The following DAPK1 variants were observed in gnomAD, a reference collection of about 807,000 sequenced individuals.
DAPK1 encodes death associated protein kinase 1, also known as death-associated protein kinase 1.
A neutral mutation model predicts 144.9 loss-of-function variants in DAPK1; 56 were observed. That is an observed-to-expected ratio of 0.39 (90% CI 0.31 to 0.48). The LOEUF (loss-of-function observed/expected upper bound fraction) is 0.48, where lower values mean the gene tolerates loss of function less well. Among genes scored for constraint, DAPK1 ranks in the 20% least tolerant of loss-of-function variants. The pLI is 0.95. For missense variants in DAPK1, 1,454 were observed against 1,875.4 expected (o/e 0.78, Z 4.15); for synonymous variants, 690 against 749.0 (o/e 0.92, Z 1.29).
At chr9:87,666,481 T>TG (rs202108257) in intron 18 of DAPK1, among the ~76,000 whole-genome samples, 4 of 150,592 alleles carry the variant, frequency 2.7e-5, no homozygotes, top group African/African-American at 4.9e-5. Flanking sequence ...GTTTTTGTTT[T>TG]TTTTTTTTTT....
intron 3 of DAPK1, among the ~76,000 whole-genome samples, chr9:87,614,408 G>A (rs1452850479): frequency 3.9e-5 from 6 of 152,174 alleles, no homozygotes; most frequent in Admixed American, 2.0e-4. Context: ...ACCCATGATC[G>A]TGGTTAAAGT....
rs542750493 is a variant in DAPK1 at position 87,516,804 on chromosome 9, G to A, written c.62+17665G>A. Among the ~76,000 whole-genome samples the A allele has an allele frequency of 2.0e-5, 3 of 152,228 alleles. No individual in the cohort carries two copies. In the South Asian group the frequency reaches 6.2e-4, roughly 32 times the overall value. ...GTGCTAGGTTCGGTGGATTGGAGAA[G>A]CTTGAAGGGGTGGATTTGGAGGATA... On this transcript the variant is annotated intron_variant, in intron 2 of 25. Coordinates refer to ENST00000408954, the MANE Select transcript of DAPK1 (RefSeq NM_004938.4).
chr9:87,652,178 A>G lies in DAPK1; in HGVS notation c.1824+454A>G, dbSNP rs1180463278. 4.3e-3 allele frequency among the ~76,000 whole-genome samples: 309 copies of G among 71,228 alleles called. 5 individuals are homozygous for G. The highest frequency in any genetic ancestry group is 0.011 in the African/African-American group (189 of 17,370). The allele number at this position is 71,228 out of a possible 152,430, so 46.7% of individuals were successfully genotyped here. On this transcript the variant is annotated intron_variant, in intron 17 of 25. Transcript: ENST00000408954. ...ATTCTGTGTCCTCCCACCTGATCCC[A>G]GGTCCTGATTCTGTGTCCATCCCCC...
At chr9:87,537,266 G>A (rs373935844) in intron 2 of DAPK1, among the ~76,000 whole-genome samples, 6 of 152,172 alleles carry the variant, frequency 3.9e-5, no homozygotes, top group South Asian at 4.1e-4. Flanking sequence ...GATTACAGGC[G>A]TGAGCCACCG....
At chr9:87,645,140 T>C (rs546240360) in intron 11 of DAPK1, among the ~76,000 whole-genome samples, 3 of 152,208 alleles carry the variant, frequency 2.0e-5, no homozygotes, top group African/African-American at 4.8e-5. Context: ...ATTCTGTGTT[T>C]ATAAGTTCAG....
intron 2 of DAPK1, among the ~76,000 whole-genome samples, chr9:87,499,593 G>A (rs1228034708): frequency 1.3e-5 from 2 of 152,218 alleles, no homozygotes; most frequent in Admixed American, 1.3e-4. Context: ...GTATTGGTAG[G>A]TGGTAAATGG....
rs763759492 is a variant in DAPK1 at position 87,698,809 on chromosome 9, C to T, written c.2750+15C>T. 1.9e-6 allele frequency: 3 copies of T among 1,556,338 alleles called. No individual in the cohort carries two copies. The highest frequency in any genetic ancestry group is 1.1e-5 in the South Asian group (1 of 89,654). ...ATTAGGAACAGGTGAGGGGCAGCCA[C>T]TTAGTCTCCAGCTCACGGGTAGCCT... On this transcript the variant is annotated intron_variant, in intron 23 of 25. Transcript: ENST00000408954.
chr9:87,571,607 T>G (rs1827365062), intron 2 of DAPK1, among the ~76,000 whole-genome samples: 1 of 151,184 alleles, frequency 6.6e-6, no homozygotes, highest in African/African-American at 2.4e-5. Flanking sequence ...CTTGCAAACG[T>G]TCCAGTGACA....
intron 24 of DAPK1, among the ~76,000 whole-genome samples, chr9:87,701,365 A>AT (rs1259420672): frequency 3.3e-5 from 5 of 152,224 alleles, no homozygotes; most frequent in Non-Finnish European, 5.9e-5. Context: ...TATTTTCAAA[A>AT]TAACTAGGGA....
intron 2 of DAPK1, among the ~76,000 whole-genome samples, chr9:87,540,628 C>G (rs1277619939): frequency 6.6e-6 from 1 of 152,160 alleles, no homozygotes; most frequent in East Asian, 1.9e-4. Flanking sequence ...TGGAATGGAT[C>G]CCCTGTGAGT....
At chr9:87,678,463 A>G (rs936002296) in intron 19 of DAPK1, among the ~76,000 whole-genome samples, 9 of 152,256 alleles carry the variant, frequency 5.9e-5, no homozygotes, top group Non-Finnish European at 4.4e-5. Flanking sequence ...GAGGGCTGGG[A>G]TGGCAGCTCC....
rs369502489 is a variant in DAPK1, at chr9:87,649,907, G to T, written c.1429-14G>T. The T allele has an allele frequency of 6.2e-7, 1 of 1,613,258 alleles. No homozygotes were observed. Among genetic ancestry groups the T allele is most frequent in the Non-Finnish European group, 8.5e-7 (1 of 1,179,354 alleles). On this transcript the variant is annotated splice_polypyrimidine_tract_variant and intron_variant, in intron 15 of 25. Coordinates refer to ENST00000408954, the MANE Select transcript of DAPK1 (RefSeq NM_004938.4). ...TTGTGTTCTCCTCCTCTCTGTACTC[G>T]TCTCCTTGGCCAGGAAGAAGAAACC...
chr9:87,567,930 C>A (rs939199432), intron 2 of DAPK1, among the ~76,000 whole-genome samples: 3 of 152,174 alleles, frequency 2.0e-5, no homozygotes, highest in Non-Finnish European at 2.9e-5. Flanking sequence ...TTTATAGACA[C>A]CCCAAAAAGG....
intron 3 of DAPK1, among the ~76,000 whole-genome samples, chr9:87,636,746 T>G (rs915313818): frequency 2.6e-5 from 4 of 152,228 alleles, no homozygotes; most frequent in African/African-American, 9.6e-5. Context: ...CTAAGAGAGA[T>G]AATGAATACA....
chr9:87,545,858 A>C (rs921800613), intron 2 of DAPK1, among the ~76,000 whole-genome samples: 4 of 152,156 alleles, frequency 2.6e-5, no homozygotes, highest in African/African-American at 9.7e-5. Flanking sequence ...TTTCAGCCTT[A>C]AAATAAAGGG....
chr9:87,523,172 A>G (rs1044457196), intron 2 of DAPK1, among the ~76,000 whole-genome samples: 14 of 152,164 alleles, frequency 9.2e-5, no homozygotes, highest in African/African-American at 2.9e-4. Flanking sequence ...TGCAGCCATC[A>G]CCACTATCCA....
intron 18 of DAPK1, among the ~76,000 whole-genome samples, chr9:87,660,973 T>C: frequency 6.6e-6 from 1 of 152,198 alleles, no homozygotes; most frequent in Non-Finnish European, 1.5e-5. Flanking sequence ...GCCTCCCAAG[T>C]AGCTGGGACT....
Position 87,556,106 on chromosome 9 carries a change from G to A in DAPK1, c.63-48848G>A, listed in dbSNP as rs556337009. Among the ~76,000 whole-genome samples the A allele has an allele frequency of 9.9e-4, 150 of 152,198 alleles. 1 individual carries two copies. Among genetic ancestry groups the A allele is most frequent in the Admixed American group, 2.5e-3 (38 of 15,274 alleles). Reference sequence around the variant, plus strand: ...ACTGTTTTTTTGTATTCTAATCTCCGTCACCGAAACTCATCAGTGATGCAG... The same window carrying A: ...ACTGTTTTTTTGTATTCTAATCTCCATCACCGAAACTCATCAGTGATGCAG... On this transcript the variant is annotated intron_variant, in intron 2 of 25. Transcript: ENST00000408954.
intron 2 of DAPK1, among the ~76,000 whole-genome samples, chr9:87,563,809 A>T (rs1032546819): frequency 6.6e-6 from 1 of 152,180 alleles, no homozygotes; most frequent in Non-Finnish European, 1.5e-5. Flanking sequence ...AGCTGAGCCC[A>T]GCCCATGTTG....
Sources: gnomAD v4.1 joint callset for allele counts (sites outside exome capture counted in the v4.1 genomes callset) on GRCh38, gnomAD v4.1.1 for gene constraint, MANE v1.5 for transcripts, NCBI Gene and HGNC (gene_info 2026-07-23, HGNC 2026-07-21) for gene names.